The following IGF2R variants were observed in gnomAD, a reference collection of about 807,000 sequenced individuals.
IGF2R encodes insulin like growth factor 2 receptor, also known as cation-independent mannose-6-phosphate receptor.
IGF2R carries 91 observed loss-of-function variants against 270.6 expected under a neutral mutation model. The observed-to-expected ratio is 0.34, with a 90% CI of 0.28 to 0.40. The LOEUF is 0.40. Ranked by LOEUF, IGF2R falls within the 10% of genes least tolerant of loss-of-function variation. IGF2R has a pLI of 1.00. For missense variants in IGF2R, 2,805 were observed against 3,188.3 expected (o/e 0.88, Z 2.90); for synonymous variants, 1,316 against 1,258.9 (o/e 1.05, Z -0.96).
chr6:160,052,177 C>A (rs765522643), intron 19 of IGF2R, among the ~76,000 whole-genome samples: 1 of 152,144 alleles, frequency 6.6e-6, no homozygotes. Context: ...ACTGCAGCCC[C>A]TTGGCAACAG....
chr6:160,069,742 A>G, intron 30 of IGF2R, 126 bp from the exon 31 acceptor site: 2 of 778,480 alleles, frequency 2.6e-6, no homozygotes, highest in Non-Finnish European at 4.1e-6. Flanking sequence ...AATAGCAGGT[A>G]TTTTGAAGTG....
chr6:160,101,578 C>T lies in IGF2R; in HGVS notation c.6843-941C>T, dbSNP rs527407826. On this transcript the variant is annotated intron_variant, in intron 45 of 47. Coordinates refer to ENST00000356956, the MANE Select transcript of IGF2R (RefSeq NM_000876.4). ...TTGCCCTCAACCTCAGTTCTTTGAG[C>T]AGCCGGCATCTTCAGCAGCACAAGA... Among the ~76,000 whole-genome samples, 121 of 152,372 alleles carry T rather than the reference C, an allele frequency of 7.9e-4. 2 individuals carry two copies. Among genetic ancestry groups the T allele is most frequent in the Non-Finnish European group, 1.3e-4 (9 of 68,038 alleles).
intron 7 of IGF2R, 32 bp downstream of exon 7, chr6:160,029,687 G>A: frequency 6.7e-7 from 1 of 1,487,102 alleles, no homozygotes; most frequent in Non-Finnish European, 9.4e-7. Context: ...CACTAATGTG[G>A]CGCACAGTAG....
Position 160,029,630 on chromosome 6 carries a change from T to A in IGF2R, c.857T>A (p.Phe286Tyr). Reference protein sequence around the residue: ...DGHSPAVTITFVCPSERREGT... With the variant: ...DGHSPAVTITYVCPSERREGT... ...CACAGCCCTGCGGTGACTATTACAT[T>A]TGTTTGCCCGTCGGAGCGGAGAGAG... Residue 286 changes from phenylalanine to tyrosine, a missense_variant, in exon 7 of 48, where the codon TTT (phenylalanine) becomes TAT (tyrosine). Physicochemically the swap from Phe to Tyr is conservative, Grantham distance 22. Around this residue, in one of 2 missense-constraint regions of IGF2R, gnomAD observed 954 missense variants for 981.1 expected, o/e 0.97. Coordinates refer to ENST00000356956, the MANE Select transcript of IGF2R (RefSeq NM_000876.4). 8 of 1,613,754 alleles carry A rather than the reference T, an allele frequency of 5.0e-6. No homozygotes were observed. Among genetic ancestry groups the A allele is most frequent in the Non-Finnish European group, 6.8e-6 (8 of 1,179,624 alleles).
At chr6:159,995,235 T>A (rs1391082271) in intron 2 of IGF2R, among the ~76,000 whole-genome samples, 2 of 152,106 alleles carry the variant, frequency 1.3e-5, no homozygotes, top group African/African-American at 4.8e-5. Flanking sequence ...AAAGTCTCTT[T>A]TATCTAAATG....
intron 33 of IGF2R, 124 bp from the exon 34 acceptor site, chr6:160,073,089 T>G: frequency 7.1e-7 from 1 of 1,407,958 alleles, no homozygotes. Flanking sequence ...TAAAGCCGGA[T>G]TGGACACTTG....
intron 4 of IGF2R, among the ~76,000 whole-genome samples, chr6:160,012,266 G>A (rs1364134047): frequency 6.6e-6 from 1 of 152,148 alleles, no homozygotes; most frequent in Non-Finnish European, 1.5e-5. Flanking sequence ...GGTGGGAAAA[G>A]CATCTCAAAG....
intron 2 of IGF2R, among the ~76,000 whole-genome samples, chr6:159,994,269 T>A (rs1323594290): frequency 6.6e-6 from 1 of 152,018 alleles, no homozygotes; most frequent in Non-Finnish European, 1.5e-5. Flanking sequence ...CCTCTGATGA[T>A]CTTTTGTCTT....
chr6:160,099,941 C>CATACT (rs1390887329), intron 45 of IGF2R, among the ~76,000 whole-genome samples: 1 of 152,176 alleles, frequency 6.6e-6, no homozygotes, highest in African/African-American at 2.4e-5. Flanking sequence ...GTTTGGAAGA[C>CATACT]ATACTGTTAG....
At chr6:160,085,843 G>A (rs1779086904) in intron 41 of IGF2R, among the ~76,000 whole-genome samples, 1 of 152,206 alleles carries the variant, frequency 6.6e-6, no homozygotes, top group Admixed American at 6.5e-5. Flanking sequence ...AGACTCTGCA[G>A]GTTGGTAGGT....
intron 29 of IGF2R, among the ~76,000 whole-genome samples, chr6:160,065,814 G>GTGTATGTGTATGTGTATATATATA: frequency 1.1e-4 from 9 of 78,388 alleles, no homozygotes; most frequent in Non-Finnish European, 2.1e-4. Flanking sequence ...GTGTGTGTGT[G>GTGTATGTGTATGTGTATATATATA]TATATATATA....
intron 15 of IGF2R, 123 bp downstream of exon 15, chr6:160,046,768 G>T: frequency 3.8e-6 from 4 of 1,043,048 alleles, no homozygotes; most frequent in Non-Finnish European, 5.6e-6. Context: ...ATACTGATGA[G>T]ACCTGGTCTG....
intron 2 of IGF2R, among the ~76,000 whole-genome samples, chr6:159,997,788 A>G (rs1784076153): frequency 2.0e-5 from 3 of 152,138 alleles, no homozygotes; most frequent in South Asian, 4.1e-4. Context: ...GCCTCTGGCA[A>G]CTCTGTTCAG....
chr6:160,056,371 C>A, intron 19 of IGF2R, 53 bp from the exon 20 acceptor site: 1 of 1,215,106 alleles, frequency 8.2e-7, no homozygotes, highest in Non-Finnish European at 1.2e-6. Flanking sequence ...TCTTTTGGTT[C>A]TATCAAGTTC....
At chr6:160,037,052 C>G (rs12662414) in intron 10 of IGF2R, among the ~76,000 whole-genome samples, 5 of 152,278 alleles carry the variant, frequency 3.3e-5, no homozygotes, top group South Asian at 4.1e-4. Flanking sequence ...TGATGTTTTG[C>G]CAGATTTTTC....
intron 10 of IGF2R, among the ~76,000 whole-genome samples, chr6:160,037,093 T>A (rs980836129): frequency 1.3e-5 from 2 of 152,230 alleles, no homozygotes; most frequent in Non-Finnish European, 2.9e-5. Context: ...ATGGCTCATA[T>A]CACCCCACCC....
intron 44 of IGF2R, chr6:160,093,766 A>G (rs2114734915): frequency 1.3e-6 from 1 of 750,620 alleles, no homozygotes; most frequent in East Asian, 2.5e-5. Context: ...TTGCTTTTCG[A>G]CTATATGATT....
In IGF2R at chr6:160,069,914, GCCC is replaced by G; in HGVS notation, c.4300_4302del (p.Pro1434del). ...CCGCGTGTCTGCTGGGTGGCTCCAA[GCCC>G]GTGAACCTCGGCAGGGTAAGGGACG... On this transcript the variant is annotated inframe_deletion, in exon 31 of 48. Transcript: ENST00000356956. 1 of 1,614,254 alleles carries G rather than the reference GCCC, an allele frequency of 6.2e-7. No homozygotes were observed. The highest frequency in any genetic ancestry group is 8.5e-7 in the Non-Finnish European group (1 of 1,180,048).
At position 160,108,427 on chromosome 6, in the gene IGF2R, G is replaced by C. The variant is rs1266569707; in HGVS notation, c.*3343G>C. Reference sequence around the variant, plus strand: ...GGAGTTTGAAGTCCTGAAAGCAGTTGAGAGCTGTAGGAGGGCCAGATTGGG... The same window carrying C: ...GGAGTTTGAAGTCCTGAAAGCAGTTCAGAGCTGTAGGAGGGCCAGATTGGG... On this transcript the variant is annotated 3_prime_UTR_variant, in exon 48 of 48. Coordinates refer to ENST00000356956, the MANE Select transcript of IGF2R (RefSeq NM_000876.4). 6.6e-6 allele frequency: 1 copy of C among 152,306 alleles called. No homozygotes were observed. The highest frequency in any genetic ancestry group is 6.5e-5 in the Admixed American group (1 of 15,288). The allele number at this position is 152,306 out of a possible 1,614,324, so 9.4% of individuals were successfully genotyped here. A position where few individuals can be genotyped will look rare whatever the true frequency, so the allele number is the denominator to read the frequency against.
Sources: allele counts gnomAD v4.1 joint callset (sites outside exome capture counted in the v4.1 genomes callset), GRCh38; gene constraint gnomAD v4.1.1; regional missense constraint gnomAD v4.1.1; transcripts MANE v1.5; gene names NCBI Gene and HGNC (gene_info 2026-07-23, HGNC 2026-07-21).